The following IL2RG variants were observed in gnomAD, a reference collection of about 807,000 sequenced individuals.
The protein encoded by IL2RG is cytokine receptor common subunit gamma.
For synonymous variants in IL2RG, 111 were observed against 108.5 expected, an observed-to-expected ratio of 1.02 and a Z score of -0.15; for missense variants, 205 against 272.9, an observed-to-expected ratio of 0.75 and a Z score of 1.75.
In IL2RG at chrX:71,108,324, G is replaced by A; in HGVS notation, c.877C>T (p.Leu293=). ...LERTMPRIPT[L]KNLEDLVTEY... The stretch of plus-strand genomic sequence containing the variant: ...GTAACAAGATCCTCTAGGTTCTTCA[G>A]GGTGGGAATTCGGGGCATCGTCCTG... Residue 293 remains leucine (L), a synonymous_variant, in exon 7 of 8, where the codon CTG becomes TTG. Transcript: ENST00000374202. 8.3e-7 allele frequency: 1 copy of A among 1,205,293 alleles called. No individual in the cohort carries two copies.
intron 2 of IL2RG, 53 bp downstream of exon 2, chrX:71,110,844 C>T: frequency 8.4e-7 from 1 of 1,183,507 alleles, no homozygotes; most frequent in Non-Finnish European, 1.1e-6. Context: ...CTCTCTTGGT[C>T]TCTGATCCAA....
rs2092261604 is a variant in IL2RG, at chrX:71,110,664, T to C, written c.294A>G (p.Lys98=). Residue 98 remains lysine, a synonymous_variant, in exon 3 of 8, where the codon AAA becomes AAG. Transcript: ENST00000374202. ...ATAGATAGTGGCTGCACTTCTGGAC[T>C]TTATCATTATCCGAGTTCTTGTACC... ...HYWYKNSDND[K]VQKCSHYLFS... 2 of 1,207,661 alleles carry C rather than the reference T, an allele frequency of 1.7e-6. No individual in the cohort carries two copies. Among genetic ancestry groups the C allele is most frequent in the Admixed American group, 2.2e-5 (1 of 45,638 alleles).
At position 71,108,354 on chromosome X, in the gene IL2RG, G is replaced by A. The variant is rs372985214; in HGVS notation, c.855-8C>T. On this transcript the variant is annotated splice_polypyrimidine_tract_variant and splice_region_variant and intron_variant, in intron 6 of 7. Coordinates refer to ENST00000374202, the MANE Select transcript of IL2RG (RefSeq NM_000206.3). ...GGAATTCGGGGCATCGTCCTGACAG[G>A]GGAGAAAGAGGGAGCAGGAGCACAT... 2.5e-5 allele frequency: 28 copies of A among 1,132,849 alleles called. No individual in the cohort carries two copies. In the African/African-American group the frequency reaches 4.9e-4, roughly 20 times the overall value. 93.4% of individuals were successfully genotyped at this position (1,132,849 alleles called of 1,213,427 possible).
At chrX:71,108,797 T>A in intron 5 of IL2RG, 102 bp from the exon 6 acceptor site, 1 of 529,046 alleles carries the variant, frequency 1.9e-6, no homozygotes, top group Non-Finnish European at 3.3e-6. Flanking sequence ...ACTCTCTGTT[T>A]AATCCTCACA....
In IL2RG at chrX:71,110,119, G is replaced by A. The variant is rs201665163; in HGVS notation, c.594+37C>T. ...TTGAATCCTTTAGCCCTACTTTCTTGGCCTTAGCTGCTACATTCACGTCCC... is the reference window on the plus strand; with the variant it reads ...TTGAATCCTTTAGCCCTACTTTCTTAGCCTTAGCTGCTACATTCACGTCCC... On this transcript the variant is annotated intron_variant, in intron 4 of 7. Transcript: ENST00000374202. 600 of 1,199,020 alleles carry A rather than the reference G, an allele frequency of 5.0e-4. 1 individual carries two copies. The highest frequency in any genetic ancestry group is 1.6e-3 in the Middle Eastern group (6 of 3,772).
In IL2RG at chrX:71,111,007, G is replaced by A. The variant is rs762084352; in HGVS notation, c.159C>T (p.Ser53=). The change falls in exon 2 of 8, where the codon TCC becomes TCT. Residue 53 remains serine, a synonymous_variant. Coordinates refer to ENST00000374202, the MANE Select transcript of IL2RG (RefSeq NM_000206.3). ...ACTGAACCTCTGGGAGGGGCAGAGT[G>A]GAAACACTGAGGGAGTCAGTGGGCA... is the stretch of plus-strand genomic sequence containing the variant. ...TTMPTDSLSV[S]TLPLPEVQCF... 4 of 1,203,585 alleles carry A rather than the reference G, an allele frequency of 3.3e-6. No homozygotes were observed. Among genetic ancestry groups the A allele is most frequent in the African/African-American group, 1.8e-5 (1 of 56,876 alleles).
intron 7 of IL2RG, 45 bp from the exon 8 acceptor site, chrX:71,107,966 A>G: frequency 1.9e-6 from 2 of 1,051,124 alleles, no homozygotes; most frequent in Non-Finnish European, 1.3e-6. Flanking sequence ...AGGGGCAGGA[A>G]GTAAAAGACC....
rs367739733 is a variant in IL2RG, at chrX:71,109,407, A to G, written c.595-17T>C. The stretch of plus-strand genomic sequence containing the variant: ...TGATTGTTCCTTGAGGAGAAAGAGG[A>G]TGAGGGAAAGTGGGTGTCTATGAGA... On this transcript the variant is annotated splice_polypyrimidine_tract_variant and intron_variant, in intron 4 of 7. Coordinates refer to ENST00000374202, the MANE Select transcript of IL2RG (RefSeq NM_000206.3). The G allele has an allele frequency of 1.4e-5, 17 of 1,202,245 alleles. No individual in the cohort carries two copies. Among genetic ancestry groups the G allele is most frequent in the Non-Finnish European group, 1.7e-5 (15 of 887,289 alleles).
rs779242878 is a variant in IL2RG, at chrX:71,109,427, A to G, written c.595-37T>C. On this transcript the variant is annotated intron_variant, in intron 4 of 7. Transcript: ENST00000374202. ...AGAGGATGAGGGAAAGTGGGTGTCT[A>G]TGAGAGAAGGGAGAATTAAAACATA... 2.4e-5 allele frequency: 28 copies of G among 1,156,010 alleles called. No homozygotes were observed. The Middle Eastern group carries it at 3.8e-3, about 157-fold the overall frequency.
intron 7 of IL2RG, 129 bp downstream of exon 7, chrX:71,108,148 C>T (rs2092254997): frequency 1.7e-6 from 1 of 579,341 alleles, no homozygotes; most frequent in South Asian, 2.4e-5. Context: ...ATTTGGTCGG[C>T]CACATCCTGA....
At chrX:71,111,111 G>A (rs1211639181) in intron 1 of IL2RG, 61 bp from the exon 2 acceptor site, 1 of 1,044,581 alleles carries the variant, frequency 9.6e-7, no homozygotes, top group Non-Finnish European at 1.3e-6. Flanking sequence ...GAAGGAGGAG[G>A]CCAAGCACGG....
Position 71,109,313 on chromosome X carries a change from C to T in IL2RG, c.672G>A (p.Arg224=). ...TTCCACAGAGTGGGTTAAAGCGGCT[C>T]CGAACACGAAACGTGTAGCGTTTCT... is the stretch of plus-strand genomic sequence containing the variant. ...DGQKRYTFRV[R]SRFNPLCGSA... The change falls in exon 5 of 8, where the codon CGG becomes CGA. Residue 224 remains arginine (R), a synonymous_variant. Coordinates refer to ENST00000374202, the MANE Select transcript of IL2RG (RefSeq NM_000206.3). The T allele has an allele frequency of 8.3e-7, 1 of 1,210,712 alleles. No homozygotes were observed. The highest frequency in any genetic ancestry group is 1.8e-5 in the South Asian group (1 of 56,994).
chrX:71,111,069 G>A lies in IL2RG; in HGVS notation c.116-19C>T. The A allele has an allele frequency of 8.5e-7, 1 of 1,177,137 alleles. No homozygotes were observed. The highest frequency in any genetic ancestry group is 1.9e-5 in the South Asian group (1 of 53,645). On this transcript the variant is annotated intron_variant, in intron 1 of 7. Transcript: ENST00000374202. ...AAGAAATCTAGATTGGGGAGAAAAT[G>A]AAGGCAGGGAGGGAAAGAGAAATGA...
rs926257513 is a variant in IL2RG, at chrX:71,110,027, G to C, written c.594+129C>G. 1.2e-5 allele frequency: 8 copies of C among 645,761 alleles called. No homozygotes were observed. The East Asian group carries it at 2.7e-4, about 21-fold the overall frequency. 53.2% of individuals were successfully genotyped at this position (645,761 alleles called of 1,213,427 possible). A position where few individuals can be genotyped will look rare whatever the true frequency, so the allele number is the denominator to read the frequency against. ...GAAAGGAGTTGGAGGAGGGAGGGTA[G>C]GGGGTGAGCAGAGAAGCTGGGAGGC... On this transcript the variant is annotated intron_variant, in intron 4 of 7. Transcript: ENST00000374202.
chrX:71,110,918 G>T lies in IL2RG; in HGVS notation c.248C>A (p.Thr83Asn). The change falls in exon 2 of 8, where the codon ACC (threonine) becomes AAC (asparagine). Residue 83 changes from threonine (T) to asparagine (N), a missense_variant. Transcript: ENST00000374202. Reference protein sequence around the residue: ...TWNSSSEPQPTNLTLHYWYKN... With the variant: ...TWNSSSEPQPNNLTLHYWYKN... ...ATACCAATAATGCAGAGTGAGGTTG[G>T]TAGGCTGGGGCTCAGAGCTGCTGTT... 1.7e-6 allele frequency: 2 copies of T among 1,210,595 alleles called. No homozygotes were observed. The highest frequency in any genetic ancestry group is 2.2e-6 in the Non-Finnish European group (2 of 894,904).
intron 7 of IL2RG, 103 bp downstream of exon 7, chrX:71,108,174 C>G: frequency 1.6e-6 from 1 of 634,532 alleles, no homozygotes; most frequent in African/African-American, 2.1e-5. Context: ...AGTGCAGGGC[C>G]TCCTTCCCTC....
Position 71,108,734 on chromosome X carries a change from T to C in IL2RG, c.758-39A>G, listed in dbSNP as rs1361100577. On this transcript the variant is annotated intron_variant, in intron 5 of 7. Transcript: ENST00000374202. ...AAAAGCAAAGTGGACCTTATATTTG[T>C]TGTGCCCCTACTACATGCCAGGCAC... The C allele has an allele frequency of 4.2e-6, 4 of 951,096 alleles. No homozygotes were observed. The Admixed American group carries it at 1.0e-4, about 24-fold the overall frequency. The allele number at this position is 951,096 out of a possible 1,213,427, so 78.4% of individuals were successfully genotyped here.
chrX:71,109,746 C>A (rs968846459), intron 4 of IL2RG, among the ~76,000 whole-genome samples: 6 of 109,905 alleles, frequency 5.5e-5, no homozygotes, highest in African/African-American at 1.7e-4. Flanking sequence ...ACCAGCCTGA[C>A]CAACATGGCA....
At position 71,110,411 on chromosome X, in the gene IL2RG, T is replaced by C. The variant is rs2092260947; in HGVS notation, c.454+93A>G. ...TCATGATCCCCTACCTCCTCTTTTC[T>C]GCCCATGTACCCTTATGATAAAAGA... On this transcript the variant is annotated intron_variant, in intron 3 of 7. Transcript: ENST00000374202. 45 of 1,102,950 alleles carry C rather than the reference T, an allele frequency of 4.1e-5. 1 individual carries two copies. The South Asian group carries it at 8.3e-4, about 20-fold the overall frequency. 90.9% of individuals were successfully genotyped at this position (1,102,950 alleles called of 1,213,427 possible). A position where few individuals can be genotyped will look rare whatever the true frequency, so the allele number is the denominator to read the frequency against.
Sources: gnomAD v4.1 joint callset for allele counts (sites outside exome capture counted in the v4.1 genomes callset) on GRCh38, gnomAD v4.1.1 for gene constraint, MANE v1.5 for transcripts, NCBI Gene and HGNC (gene_info 2026-07-23, HGNC 2026-07-21) for gene names.